The following PSMG2 variants were observed in gnomAD, a reference collection of about 807,000 sequenced individuals.
PSMG2 encodes proteasome assembly chaperone 2.
Under a neutral mutation model 31.5 loss-of-function variants are expected in PSMG2, and 21 were observed. That is an observed-to-expected ratio of 0.67 (90% CI 0.47 to 0.96). PSMG2 has a LOEUF of 0.96. Among genes scored for constraint, PSMG2 ranks in the 40% least tolerant of loss-of-function variants. The probability of loss-of-function intolerance (pLI) is 0.00; values close to 1 mark genes in which losing one functional copy is unlikely to be tolerated. For synonymous variants in PSMG2, 120 were observed against 110.4 expected (o/e 1.09, Z -0.54); for missense variants, 318 against 321.2 (o/e 0.99, Z 0.08).
upstream of PSMG2, chr18:12,699,150 C>G (rs772660362): frequency 6.2e-7 from 1 of 1,614,078 alleles, no homozygotes; most frequent in Non-Finnish European, 8.5e-7. Flanking sequence ...TCCAAGAAAG[C>G]TTTTCCACCC....
chr18:12,691,817 G>A (rs12373259), intron 1 of PSMG2, among the ~76,000 whole-genome samples: 59,296 of 151,228 alleles, frequency 0.39, 12,004 homozygotes, highest in Non-Finnish European at 0.45. Flanking sequence ...CCATGTTCAA[G>A]CAATTCTCCT....
At chr18:12,690,138 ATGT>A (rs1170716411) in intron 1 of PSMG2, among the ~76,000 whole-genome samples, 1 of 152,116 alleles carries the variant, frequency 6.6e-6, no homozygotes, top group Admixed American at 6.6e-5. Context: ...TGTCCTGATA[ATGT>A]TGTTACCTTG....
intron 2 of PSMG2, among the ~76,000 whole-genome samples, chr18:12,708,611 G>A (rs1472849563): frequency 6.6e-6 from 1 of 151,310 alleles, no homozygotes; most frequent in Non-Finnish European, 1.5e-5. Flanking sequence ...TGATCTGCCT[G>A]TCTTGGCCTC....
exon 1 of PSMG2, chr18:12,658,749 C>T: frequency 2.6e-6 from 1 of 385,268 alleles, no homozygotes; most frequent in Non-Finnish European, 5.4e-6. Context: ...GGTTGAATAC[C>T]TCCCTCTCCA....
At chr18:12,669,123 C>A (rs368472746) in intron 1 of PSMG2, among the ~76,000 whole-genome samples, 2 of 118,936 alleles carry the variant, frequency 1.7e-5, no homozygotes, top group African/African-American at 6.0e-5. Flanking sequence ...ACGGCAACCT[C>A]TTTTTTTTTG....
At position 12,706,635 on chromosome 18, in the gene PSMG2, A is replaced by C; in HGVS notation, c.143A>C (p.Tyr48Ser). Residue 48 changes from tyrosine to serine, a missense_variant, in exon 2 of 7, where the codon TAT (tyrosine) becomes TCT (serine). Tyr to Ser is a moderately radical substitution (Grantham distance 144). Coordinates refer to ENST00000317615, the MANE Select transcript of PSMG2 (RefSeq NM_020232.5). The part of the protein sequence containing the change: ...TLNMSKIGYF[Y>S]TDCLVPMVGN... ...AATATGTCTAAGATTGGTTACTTCT[A>C]TACCGATTGTCTTGTGCCAATGGTT... 6.2e-7 allele frequency: 1 copy of C among 1,614,170 alleles called. No homozygotes were observed. Among genetic ancestry groups the C allele is most frequent in the Non-Finnish European group, 8.5e-7 (1 of 1,180,000 alleles).
chr18:12,717,511 A>G lies in PSMG2; in HGVS notation c.289-1006A>G, dbSNP rs148665800. Reference sequence around the variant, plus strand: ...CTTCGAAACAATCCAGAAGTAGGCTAGCAATGGTCACCCCTACATACTTCC... The same window carrying G: ...CTTCGAAACAATCCAGAAGTAGGCTGGCAATGGTCACCCCTACATACTTCC... On this transcript the variant is annotated intron_variant, in intron 3 of 6. Transcript: ENST00000317615. Among the ~76,000 whole-genome samples, 537 of 152,328 alleles carry G rather than the reference A, an allele frequency of 3.5e-3. 3 individuals are homozygous for G. Among genetic ancestry groups the G allele is most frequent in the African/African-American group, 0.012 (514 of 41,578 alleles).
Position 12,703,042 on chromosome 18 carries a change from GCCTTCTTGCTGCCCT to G in PSMG2, c.-64_-50del. On this transcript the variant is annotated 5_prime_UTR_variant, in exon 1 of 7. Coordinates refer to ENST00000317615, the MANE Select transcript of PSMG2 (RefSeq NM_020232.5). ...CGAGGCTCCGGGGTCTCGGGCTTCC[GCCTTCTTGCTGCCCT>G]CGTTCTTGCCAGGGCCGCGGTTAGT... is the stretch of plus-strand genomic sequence containing the variant. 4 of 1,562,668 alleles carry G rather than the reference GCCTTCTTGCTGCCCT, an allele frequency of 2.6e-6. No individual in the cohort carries two copies. The highest frequency in any genetic ancestry group is 3.5e-6 in the Non-Finnish European group (4 of 1,149,866).
At chr18:12,669,840 A>T (rs1374522915) in intron 1 of PSMG2, among the ~76,000 whole-genome samples, 3 of 151,476 alleles carry the variant, frequency 2.0e-5, no homozygotes, top group Non-Finnish European at 4.4e-5. Context: ...GTCTCTACTT[A>T]AAAAAAATTA....
At chr18:12,719,378 A>C in intron 4 of PSMG2, among the ~76,000 whole-genome samples, 1 of 152,152 alleles carries the variant, frequency 6.6e-6, no homozygotes, top group East Asian at 1.9e-4. Flanking sequence ...CTTATACTCT[A>C]AGATGTAGCT....
At chr18:12,716,502 TC>T (rs1336485468) in intron 3 of PSMG2, among the ~76,000 whole-genome samples, 3 of 150,762 alleles carry the variant, frequency 2.0e-5, no homozygotes, top group Non-Finnish European at 4.4e-5. Flanking sequence ...CACGCCACTC[TC>T]CTGCCTCAGC....
upstream of PSMG2, among the ~76,000 whole-genome samples, chr18:12,698,365 C>T (rs11873288): frequency 0.027 from 4,106 of 152,114 alleles, 188 homozygotes; most frequent in African/African-American, 0.091. Context: ...GACAGGGTTT[C>T]GACATGTTGG....
upstream of PSMG2, chr18:12,701,119 T>C (rs756079979): frequency 2.5e-6 from 4 of 1,603,712 alleles, no homozygotes; most frequent in South Asian, 1.1e-5. Context: ...TCCATCTATG[T>C]AGAAAACTCA....
intron 1 of PSMG2, chr18:12,686,464 G>T: frequency 6.4e-7 from 1 of 1,572,208 alleles, no homozygotes; most frequent in African/African-American, 1.4e-5. Context: ...GGGAAAAGGG[G>T]AAAAACATCT....
Position 12,693,392 on chromosome 18 carries a change from C to G in PSMG2, c.-36-13158C>G, listed in dbSNP as rs539454089. Among the ~76,000 whole-genome samples the G allele has an allele frequency of 3.3e-5, 5 of 151,940 alleles. No individual in the cohort carries two copies. In the South Asian group the frequency reaches 8.3e-4, roughly 25 times the overall value. The stretch of plus-strand genomic sequence containing the variant: ...TGAGCTATAATCACACCACTGCACT[C>G]AAGCCTGAGAGAGTGAGATGCTGTC... On this transcript the variant is annotated intron_variant, in intron 1 of 6. Transcript: ENST00000585331.
chr18:12,696,216 A>G (rs1472730689), intron 1 of PSMG2, among the ~76,000 whole-genome samples: 1 of 152,148 alleles, frequency 6.6e-6, no homozygotes, highest in African/African-American at 2.4e-5. Flanking sequence ...ATTAAAATCT[A>G]AATTACTGGC....
chr18:12,663,351 C>A (rs1197426301), intron 1 of PSMG2: 1 of 152,250 alleles, frequency 6.6e-6, no homozygotes, highest in Non-Finnish European at 1.5e-5. Flanking sequence ...CAGCTCACTG[C>A]AATCTCCACC....
intron 1 of PSMG2, chr18:12,697,438 C>T (rs755779115): frequency 3.4e-6 from 5 of 1,456,116 alleles, no homozygotes; most frequent in Non-Finnish European, 3.8e-6. Context: ...GAAATTATAC[C>T]ACACTACATA....
At chr18:12,689,819 TCA>T (rs2039683575) in intron 1 of PSMG2, among the ~76,000 whole-genome samples, 2 of 152,188 alleles carry the variant, frequency 1.3e-5, no homozygotes, top group African/African-American at 4.8e-5. Context: ...AGACAGAGTC[TCA>T]CTCTGTTGCC....
Sources: gnomAD v4.1 joint callset for allele counts (sites outside exome capture counted in the v4.1 genomes callset) on GRCh38, gnomAD v4.1.1 for gene constraint, MANE v1.5 for transcripts, NCBI Gene and HGNC (gene_info 2026-07-23, HGNC 2026-07-21) for gene names.